DLGAP1: variants seen among roughly 807,000 people sequenced by gnomAD.
DLGAP1 encodes DLG associated protein 1.
Under a neutral mutation model 90.8 loss-of-function variants are expected in DLGAP1, and 11 were observed. The ratio of observed to expected loss-of-function variants is 0.12; its 90% CI spans 0.08 to 0.20. DLGAP1 has a LOEUF of 0.20. Ranked by LOEUF, DLGAP1 falls within the 10% of genes least tolerant of loss-of-function variation. The pLI, the probability that DLGAP1 is intolerant of heterozygous loss-of-function variation, is 1.00. For missense variants in DLGAP1, 1,050 were observed against 1,333.8 expected (o/e 0.79, Z 3.31); for synonymous variants, 558 against 540.7 (o/e 1.03, Z -0.44).
At chr18:3,810,967 A>G (rs1229516378) in intron 5 of DLGAP1, among the ~76,000 whole-genome samples, 1 of 151,856 alleles carries the variant, frequency 6.6e-6, no homozygotes, top group Non-Finnish European at 1.5e-5. Flanking sequence ...CGCCACACCC[A>G]GCTAATTTTT....
chr18:4,106,401 G>A (rs1208401010), intron 2 of DLGAP1, among the ~76,000 whole-genome samples: 2 of 152,324 alleles, frequency 1.3e-5, no homozygotes, highest in East Asian at 1.9e-4. Flanking sequence ...AGCCCTGCAT[G>A]CATCACCTTT....
At chr18:3,659,952 A>G (rs1875229460) in intron 7 of DLGAP1, among the ~76,000 whole-genome samples, 1 of 152,086 alleles carries the variant, frequency 6.6e-6, no homozygotes, top group Non-Finnish European at 1.5e-5. Flanking sequence ...GTGCTTTGCA[A>G]TGCTATTTCC....
At chr18:4,164,957 A>G (rs572291241) in intron 1 of DLGAP1, among the ~76,000 whole-genome samples, 136 of 152,348 alleles carry the variant, frequency 8.9e-4, no homozygotes, top group African/African-American at 3.2e-3. Context: ...TCTCATCAAC[A>G]GAGGGAAAAT....
At chr18:4,042,335 G>T (rs6506158) in intron 2 of DLGAP1, among the ~76,000 whole-genome samples, 151,836 of 152,364 alleles carry the variant, frequency 1, 75,659 homozygotes, top group Middle Eastern at 1. Flanking sequence ...AATAAAGCAC[G>T]TCAGACTTTC....
intron 1 of DLGAP1, among the ~76,000 whole-genome samples, chr18:4,408,652 A>G (rs1394091790): frequency 1.3e-5 from 2 of 152,188 alleles, no homozygotes; most frequent in South Asian, 2.1e-4. Context: ...TGAACAAAAC[A>G]AAATGTACAA....
At chr18:3,772,947 C>T (rs184513806) in intron 5 of DLGAP1, among the ~76,000 whole-genome samples, 60 of 152,270 alleles carry the variant, frequency 3.9e-4, no homozygotes, top group African/African-American at 1.4e-3. Flanking sequence ...GAACGGAGCC[C>T]CTGGTCCTTA....
At chr18:3,921,207 C>G (rs1331055813) in intron 3 of DLGAP1, among the ~76,000 whole-genome samples, 1 of 152,154 alleles carries the variant, frequency 6.6e-6, no homozygotes, top group South Asian at 2.1e-4. Flanking sequence ...CATTTTCTAC[C>G]TGGGCAATCT....
At chr18:3,859,999 T>C (rs2069928101) in intron 4 of DLGAP1, among the ~76,000 whole-genome samples, 1 of 152,012 alleles carries the variant, frequency 6.6e-6, no homozygotes, top group South Asian at 2.1e-4. Context: ...CTCGGGAGGC[T>C]GAGGCAGGAG....
At chr18:3,781,349 C>T (rs1662804175) in intron 5 of DLGAP1, among the ~76,000 whole-genome samples, 1 of 146,260 alleles carries the variant, frequency 6.8e-6, no homozygotes, top group Non-Finnish European at 1.5e-5. Context: ...TAGCAGCTTT[C>T]AATTTTTTTT....
intron 3 of DLGAP1, among the ~76,000 whole-genome samples, chr18:3,890,659 T>G (rs1031131187): frequency 3.3e-5 from 5 of 152,242 alleles, no homozygotes; most frequent in Admixed American, 2.6e-4. Flanking sequence ...TTCTGAAATA[T>G]TTTTTGCTGT....
chr18:4,284,074 G>T (rs1481446881), intron 1 of DLGAP1, among the ~76,000 whole-genome samples: 1 of 151,966 alleles, frequency 6.6e-6, no homozygotes. Context: ...GAGGTGGAGG[G>T]GGGAGGATGG....
rs187812650 is a variant in DLGAP1, at chr18:3,587,991, T to G, written c.1592-5743A>C. Among the ~76,000 whole-genome samples the G allele has an allele frequency of 9.2e-5, 14 of 152,376 alleles. No homozygotes were observed. The East Asian group carries it at 2.5e-3, about 27-fold the overall frequency. On this transcript the variant is annotated intron_variant, in intron 7 of 12. Coordinates refer to ENST00000315677, the MANE Select transcript of DLGAP1 (RefSeq NM_004746.4). ...CCATTACTGCTTTCCTTTGCCCTGA[T>G]AAGTTTTTTGTTCATTTCAAATGAA...
At chr18:4,448,808 ATG>A (rs2083735799) in intron 1 of DLGAP1, among the ~76,000 whole-genome samples, 1 of 152,194 alleles carries the variant, frequency 6.6e-6, no homozygotes, top group Non-Finnish European at 1.5e-5. Context: ...ATCAGTAAAG[ATG>A]TTAGATTCCA....
intron 1 of DLGAP1, among the ~76,000 whole-genome samples, chr18:4,310,274 C>CT (rs1487990719): frequency 6.6e-6 from 1 of 152,020 alleles, no homozygotes; most frequent in African/African-American, 2.4e-5. Flanking sequence ...ACATTTTCTC[C>CT]TTTTTTTGTT....
chr18:3,859,343 A>T (rs1209100550), intron 4 of DLGAP1, among the ~76,000 whole-genome samples: 1 of 152,216 alleles, frequency 6.6e-6, no homozygotes, highest in Non-Finnish European at 1.5e-5. Context: ...AGTTTAAAAA[A>T]ATGGTATTAA....
chr18:4,439,768 C>G lies in DLGAP1; in HGVS notation c.-267+15238G>C, dbSNP rs1488107045. On this transcript the variant is annotated intron_variant, in intron 1 of 12. Transcript: ENST00000315677. ...AAGGTTATGGTAAGCCATGATCACA[C>G]CACTGTATTCCAGCCTGGGAGATGG... 2.0e-5 allele frequency among the ~76,000 whole-genome samples: 3 copies of G among 151,950 alleles called. No homozygotes were observed. In the East Asian group the frequency reaches 5.8e-4, roughly 29 times the overall value.
intron 3 of DLGAP1, among the ~76,000 whole-genome samples, chr18:3,899,386 A>G (rs2071733450): frequency 1.3e-5 from 2 of 152,238 alleles, no homozygotes; most frequent in South Asian, 4.1e-4. Context: ...AGTATGATCA[A>G]CTGGCGCTGG....
rs1555668846 is a variant in DLGAP1, at chr18:3,527,410, C to CTGTTTTTTTTT, written c.2479+6783_2479+6784insAAAAAAAAACA. On this transcript the variant is annotated intron_variant, in intron 10 of 12. Transcript: ENST00000315677. Reference sequence around the variant, plus strand: ...GTGAGTAAACAGGTTATTTTCCAAACTTTTTTTTTTTTTTTTTTTTTTGCC... The same window carrying CTGTTTTTTTTT: ...GTGAGTAAACAGGTTATTTTCCAAACTGTTTTTTTTTTTTTTTTTTTTTTTTTTTTTTTGCC... 1.2e-3 allele frequency among the ~76,000 whole-genome samples: 121 copies of CTGTTTTTTTTT among 100,680 alleles called. 15 individuals are homozygous for CTGTTTTTTTTT. The highest frequency in any genetic ancestry group is 6.5e-3 in the Middle Eastern group (1 of 154). The allele number at this position is 100,680 out of a possible 152,430, so 66.0% of individuals were successfully genotyped here.
Position 3,785,893 on chromosome 18 carries a change from G to A in DLGAP1, c.1172+28166C>T, listed in dbSNP as rs919107625. Among the ~76,000 whole-genome samples the A allele has an allele frequency of 7.2e-5, 11 of 152,302 alleles. No individual in the cohort carries two copies. The East Asian group carries it at 1.7e-3, about 24-fold the overall frequency. On this transcript the variant is annotated intron_variant, in intron 5 of 12. Transcript: ENST00000315677. Reference sequence around the variant, plus strand: ...CCTTGAGGACTTTGAGGCTACTTCTGTAGTTCAGTCATATTTTGGGGTAAA... The same window carrying A: ...CCTTGAGGACTTTGAGGCTACTTCTATAGTTCAGTCATATTTTGGGGTAAA...
Sources: allele counts gnomAD v4.1 joint callset (sites outside exome capture counted in the v4.1 genomes callset), GRCh38; gene constraint gnomAD v4.1.1; transcripts MANE v1.5; gene names NCBI Gene and HGNC (gene_info 2026-07-23, HGNC 2026-07-21).